GGA2: variants seen among roughly 807,000 people sequenced by gnomAD.
GGA2 encodes the protein golgi associated, gamma adaptin ear containing, ARF binding protein 2, also known as ADP-ribosylation factor-binding protein GGA2.
GGA2 carries 48 observed loss-of-function variants against 79.5 expected under a neutral mutation model. The ratio of observed to expected loss-of-function variants is 0.60; its 90% CI spans 0.48 to 0.77. The LOEUF (loss-of-function observed/expected upper bound fraction) is 0.77, where lower values mean the gene tolerates loss of function less well. Among genes scored for constraint, GGA2 ranks in the 30% least tolerant of loss-of-function variants. GGA2 has a pLI of 0.00. For synonymous variants in GGA2, 317 were observed against 302.0 expected (o/e 1.05, Z -0.51); for missense variants, 770 against 774.0 (o/e 0.99, Z 0.06).
upstream of GGA2, among the ~76,000 whole-genome samples, chr16:23,513,239 T>G (rs1040795656): frequency 6.6e-6 from 1 of 150,666 alleles, no homozygotes; most frequent in African/African-American, 2.4e-5. Context: ...GAAAACCATA[T>G]CCCAGAGCAT....
chr16:23,504,380 T>A (rs999662147), intron 1 of GGA2, among the ~76,000 whole-genome samples: 6 of 152,206 alleles, frequency 3.9e-5, no homozygotes, highest in Non-Finnish European at 5.9e-5. Context: ...AGCAGGCCTG[T>A]CTCATTCACT....
intron 6 of GGA2, among the ~76,000 whole-genome samples, chr16:23,487,610 G>A (rs923264552): frequency 1.3e-5 from 2 of 152,020 alleles, no homozygotes; most frequent in Admixed American, 6.6e-5. Flanking sequence ...TTTGTGGGAC[G>A]GATGGCAGGA....
At position 23,468,320 on chromosome 16, in the gene GGA2, G is replaced by A. The variant is rs188240605; in HGVS notation, c.1731+566C>T. On this transcript the variant is annotated intron_variant, in intron 16 of 16. Coordinates refer to ENST00000309859, the MANE Select transcript of GGA2 (RefSeq NM_015044.4). Reference sequence around the variant, plus strand: ...ACTCTCCCGAGTAGCTGAGACTACAGGCGCACGCCACCATGCCCAGCTAAT... The same window carrying A: ...ACTCTCCCGAGTAGCTGAGACTACAAGCGCACGCCACCATGCCCAGCTAAT... 2.0e-5 allele frequency among the ~76,000 whole-genome samples: 3 copies of A among 151,852 alleles called. No individual in the cohort carries two copies. The East Asian group carries it at 5.8e-4, about 29-fold the overall frequency.
At chr16:23,479,031 C>T (rs771964803) in intron 11 of GGA2, 120 bp from the exon 12 acceptor site, 4 of 761,414 alleles carry the variant, frequency 5.3e-6, no homozygotes, top group East Asian at 5.0e-5. Context: ...AAGCAACTTA[C>T]TGAAGGTCAT....
At chr16:23,514,597 C>T (rs1040188203), upstream of GGA2, among the ~76,000 whole-genome samples, 23 of 152,002 alleles carry the variant, frequency 1.5e-4, no homozygotes, top group African/African-American at 5.6e-4. Context: ...ATAACAGGCA[C>T]ACACACCACC....
chr16:23,502,284 C>T (rs749646978), intron 1 of GGA2, among the ~76,000 whole-genome samples: 5 of 152,252 alleles, frequency 3.3e-5, no homozygotes, highest in South Asian at 2.1e-4. Context: ...GAGGCCCCTA[C>T]GTCATGATTA....
At chr16:23,483,048 C>T (rs1964668443) in intron 8 of GGA2, 44 bp from the exon 9 acceptor site, 9 of 1,271,614 alleles carry the variant, frequency 7.1e-6, no homozygotes, top group Non-Finnish European at 9.2e-6. Context: ...CCAGGCACCC[C>T]ATAACGCCCC....
Position 23,464,554 on chromosome 16 carries a change from C to CA in GGA2, c.*3035dup, listed in dbSNP as rs113814429. ...CAGAATTGGGACAGAGGCATTGTCC[C>CA]AAAAAAAAAAAAGCCCAAATCAGAG... is the stretch of plus-strand genomic sequence containing the variant. On this transcript the variant is annotated 3_prime_UTR_variant, in exon 17 of 17. Transcript: ENST00000309859. 0.034 allele frequency: 4,239 copies of CA among 124,674 alleles called. 83 individuals are homozygous for CA. Among genetic ancestry groups the CA allele is most frequent in the Non-Finnish European group, 0.049 (2,809 of 57,914 alleles). The allele number at this position is 124,674 out of a possible 1,614,324, so 7.7% of individuals were successfully genotyped here.
chr16:23,522,146 G>A (rs1358275055), upstream of GGA2: 1 of 223,610 alleles, frequency 4.5e-6, no homozygotes, highest in Non-Finnish European at 9.3e-6. Flanking sequence ...CCCTTCTGTG[G>A]TCAACCACCT....
intron 1 of GGA2, among the ~76,000 whole-genome samples, chr16:23,509,082 C>T (rs1965007199): frequency 6.6e-6 from 1 of 152,192 alleles, no homozygotes; most frequent in African/African-American, 2.4e-5. Flanking sequence ...TCACCCTCTC[C>T]GCCCAATTTA....
intron 12 of GGA2, 140 bp from the exon 13 acceptor site, chr16:23,478,641 G>C: frequency 1.2e-6 from 1 of 847,098 alleles, no homozygotes; most frequent in Non-Finnish European, 2.0e-6. Context: ...AGAGGGGAAA[G>C]AAAGGGCAAG....
chr16:23,503,051 T>A (rs1396724205), intron 1 of GGA2, among the ~76,000 whole-genome samples: 1 of 152,232 alleles, frequency 6.6e-6, no homozygotes, highest in East Asian at 1.9e-4. Context: ...GACCTGTGCC[T>A]TGTTCAGAAC....
chr16:23,510,120 G>C (rs996321002), intron 1 of GGA2, among the ~76,000 whole-genome samples: 1 of 151,144 alleles, frequency 6.6e-6, no homozygotes. Context: ...AGCTCAGAAG[G>C]GGGCCGCTGC....
chr16:23,511,192 G>A (rs1289964739), upstream of GGA2, among the ~76,000 whole-genome samples: 1 of 151,506 alleles, frequency 6.6e-6, no homozygotes, highest in African/African-American at 2.4e-5. Flanking sequence ...TCACTCTGTC[G>A]CCTAGGCTGG....
chr16:23,515,794 C>T (rs1336727699), intron 2 of GGA2, among the ~76,000 whole-genome samples: 1 of 152,098 alleles, frequency 6.6e-6, no homozygotes, highest in Non-Finnish European at 1.5e-5. Context: ...TTTCCTGGGT[C>T]TCCAGCTTAC....
At chr16:23,520,836 T>C (rs187956965) in intron 1 of GGA2, among the ~76,000 whole-genome samples, 8 of 152,294 alleles carry the variant, frequency 5.3e-5, no homozygotes, top group Non-Finnish European at 1.2e-4. Context: ...TTCCCCAGGC[T>C]GGAGTACAAT....
At chr16:23,487,236 T>C (rs899589958) in intron 6 of GGA2, among the ~76,000 whole-genome samples, 2 of 152,164 alleles carry the variant, frequency 1.3e-5, no homozygotes, top group Non-Finnish European at 2.9e-5. Context: ...CACCTCGGCC[T>C]CCCAAAATGC....
intron 1 of GGA2, among the ~76,000 whole-genome samples, chr16:23,498,442 A>C (rs1052224550): frequency 6.6e-6 from 1 of 150,904 alleles, no homozygotes; most frequent in Non-Finnish European, 1.5e-5. Context: ...ATAATAATAA[A>C]AACAGTCTGG....
upstream of GGA2, among the ~76,000 whole-genome samples, chr16:23,512,883 T>TTA (rs1965081457): frequency 6.6e-6 from 1 of 151,906 alleles, no homozygotes; most frequent in Non-Finnish European, 1.5e-5. Context: ...TTTGGTATCT[T>TTA]TAGTAGAGAC....
Sources: allele counts gnomAD v4.1 joint callset (sites outside exome capture counted in the v4.1 genomes callset), GRCh38; gene constraint gnomAD v4.1.1; transcripts MANE v1.5; gene names NCBI Gene and HGNC (gene_info 2026-07-23, HGNC 2026-07-21).